The following KANK4 variants were observed in gnomAD, a reference collection of about 807,000 sequenced individuals.
KANK4 encodes the protein KN motif and ankyrin repeat domains 4, also known as KN motif and ankyrin repeat domain-containing protein 4.
A neutral mutation model predicts 80.8 loss-of-function variants in KANK4; 50 were observed. The observed-to-expected ratio is 0.62, with a 90% CI of 0.49 to 0.78. The LOEUF (loss-of-function observed/expected upper bound fraction) is 0.78, where lower values mean the gene tolerates loss of function less well. Ranked by LOEUF, KANK4 falls within the 30% of genes least tolerant of loss-of-function variation. The probability of loss-of-function intolerance (pLI) is 0.00; values close to 1 mark genes in which losing one functional copy is unlikely to be tolerated. For missense variants in KANK4, 1,196 were observed against 1,240.1 expected, an observed-to-expected ratio of 0.96 and a Z score of 0.53; for synonymous variants, 465 against 506.9, an observed-to-expected ratio of 0.92 and a Z score of 1.11.
At chr1:62,275,145 G>A in intron 2 of KANK4, 58 bp from the exon 3 acceptor site, 1 of 1,286,152 alleles carries the variant, frequency 7.8e-7, no homozygotes, top group East Asian at 2.3e-5. Flanking sequence ...AGCATTACAG[G>A]GCGATGAGGC....
chr1:62,247,707 C>T, intron 8 of KANK4, 35 bp from the exon 9 acceptor site: 1 of 1,596,358 alleles, frequency 6.3e-7, no homozygotes, highest in South Asian at 1.1e-5. Context: ...GGTGAGGTTG[C>T]TGCCAGTGGG....
At chr1:62,258,191 T>C (rs576301134) in intron 7 of KANK4, among the ~76,000 whole-genome samples, 74 of 152,368 alleles carry the variant, frequency 4.9e-4, no homozygotes, top group Admixed American at 4.4e-3. Flanking sequence ...AATTAAGATC[T>C]GCTTCACAAT....
rs1671197950 is a variant in KANK4 at position 62,236,255 on chromosome 1, T to A, written c.*2022A>T. Among the ~76,000 whole-genome samples the A allele has an allele frequency of 6.6e-6, 1 of 152,156 alleles. No homozygotes were observed. Among genetic ancestry groups the A allele is most frequent in the South Asian group, 2.1e-4 (1 of 4,828 alleles). ...GTTGTGGCTCGATAGCATCAGCATC[T>A]CCCAGGACCTGGTTAGAAATGCAGA... On this transcript the variant is annotated 3_prime_UTR_variant, in exon 10 of 10. Transcript: ENST00000371153.
chr1:62,275,530 TA>T, intron 2 of KANK4, among the ~76,000 whole-genome samples: 1 of 152,108 alleles, frequency 6.6e-6, no homozygotes, highest in Non-Finnish European at 1.5e-5. Context: ...GGCTCAGCAG[TA>T]AAAAAGAAAT....
chr1:62,297,093 G>A (rs949318394), intron 1 of KANK4, among the ~76,000 whole-genome samples: 3 of 151,822 alleles, frequency 2.0e-5, no homozygotes, highest in African/African-American at 4.8e-5. Context: ...GATGCGCACC[G>A]ATAGTCCCAG....
intron 1 of KANK4, among the ~76,000 whole-genome samples, chr1:62,304,537 C>G (rs1185604569): frequency 6.6e-6 from 1 of 151,958 alleles, no homozygotes; most frequent in Admixed American, 6.5e-5. Flanking sequence ...TGGGCCTTAA[C>G]TTCCCCAGCT....
intron 1 of KANK4, among the ~76,000 whole-genome samples, chr1:62,298,800 T>C (rs1328004160): frequency 6.6e-6 from 1 of 152,232 alleles, no homozygotes; most frequent in Non-Finnish European, 1.5e-5. Flanking sequence ...AGGAAGAAAC[T>C]GGTAAGTGCC....
chr1:62,277,353 G>C (rs1672337000), intron 2 of KANK4, among the ~76,000 whole-genome samples: 1 of 152,196 alleles, frequency 6.6e-6, no homozygotes, highest in African/African-American at 2.4e-5. Flanking sequence ...GAGAACAAAA[G>C]AGTAAAAGAC....
chr1:62,301,355 A>T (rs1644410646), intron 1 of KANK4, among the ~76,000 whole-genome samples: 1 of 152,140 alleles, frequency 6.6e-6, no homozygotes, highest in African/African-American at 2.4e-5. Context: ...ATTTTCAGGT[A>T]CTAACACCAA....
chr1:62,259,420 G>C (rs552220516), intron 7 of KANK4, among the ~76,000 whole-genome samples: 4 of 152,244 alleles, frequency 2.6e-5, no homozygotes, highest in Admixed American at 1.3e-4. Flanking sequence ...GGGACCACAG[G>C]CGTGTGCCAT....
intron 6 of KANK4, 94 bp downstream of exon 6, chr1:62,266,621 ACTCACACCACTGCCTGC>A: frequency 1.4e-6 from 1 of 725,838 alleles, no homozygotes; most frequent in Non-Finnish European, 2.5e-6. Flanking sequence ...ACCACTGCAC[ACTCACACCACTGCCTGC>A]CTCACACCAC....
At chr1:62,313,709 G>A (rs1644515979) in intron 1 of KANK4, among the ~76,000 whole-genome samples, 1 of 152,094 alleles carries the variant, frequency 6.6e-6, no homozygotes, top group Admixed American at 6.5e-5. Context: ...GAGGGTGAGG[G>A]GCAAGGGGAG....
intron 1 of KANK4, among the ~76,000 whole-genome samples, chr1:62,311,309 A>G (rs1199638068): frequency 2.7e-5 from 4 of 150,320 alleles, no homozygotes; most frequent in African/African-American, 9.8e-5. Context: ...AACGGGAATG[A>G]TAACAGTCAT....
At chr1:62,286,755 A>C (rs1571023419) in intron 1 of KANK4, among the ~76,000 whole-genome samples, 1 of 151,344 alleles carries the variant, frequency 6.6e-6, no homozygotes. Context: ...ATCCTTCCCT[A>C]CCCCCTCCTG....
intron 9 of KANK4, among the ~76,000 whole-genome samples, chr1:62,247,055 C>T (rs545502493): frequency 7.9e-6 from 1 of 127,296 alleles, no homozygotes; most frequent in African/African-American, 2.9e-5. Flanking sequence ...GCCATTGCAC[C>T]AGGCTATTTT....
intron 6 of KANK4, among the ~76,000 whole-genome samples, chr1:62,264,096 G>A (rs920306004): frequency 1.3e-5 from 2 of 152,166 alleles, no homozygotes; most frequent in Admixed American, 6.5e-5. Flanking sequence ...CTAGACTTGG[G>A]AGTCACTGAA....
In KANK4 at chr1:62,268,400, A is replaced by C; in HGVS notation, c.2118T>G (p.His706Gln). The change falls in exon 5 of 10, where the codon CAT (histidine) becomes CAG (glutamine). Residue 706 changes from histidine to glutamine, a missense_variant. Transcript: ENST00000371153. ...CGCAGGTGAGATGGGCATCTTTGAC[A>C]TGCTTGTGATCTGGGCCGTCACACT... is the stretch of plus-strand genomic sequence containing the variant. ...EKKCDGPDHK[H>Q]VKDAHLTCEA... is the part of the protein sequence containing the mutation. 1 of 1,613,982 alleles carries C rather than the reference A, an allele frequency of 6.2e-7. No individual in the cohort carries two copies. Among genetic ancestry groups the C allele is most frequent in the Non-Finnish European group, 8.5e-7 (1 of 1,179,988 alleles).
intron 6 of KANK4, among the ~76,000 whole-genome samples, chr1:62,264,829 T>G (rs968457369): frequency 3.9e-5 from 6 of 152,176 alleles, no homozygotes; most frequent in East Asian, 1.9e-4. Flanking sequence ...TGTCCGTTTG[T>G]TTGGTTGGTT....
Position 62,274,522 on chromosome 1 carries a change from C to G in KANK4, c.582G>C (p.Gln194His). 1.9e-6 allele frequency: 3 copies of G among 1,614,212 alleles called. No individual in the cohort carries two copies. The highest frequency in any genetic ancestry group is 2.5e-6 in the Non-Finnish European group (3 of 1,180,028). The stretch of plus-strand genomic sequence containing the variant: ...TGCCATCACAGACACTGCCTTCACC[C>G]TGAAGGGGAGGGAGGGCAGGAGGGG... ...PPAPPALPPLQGEGSVCDGTF... is the reference protein window; with the variant it reads ...PPAPPALPPLHGEGSVCDGTF... Residue 194 changes from glutamine (Q) to histidine (H), a missense_variant, in exon 3 of 10, where the codon CAG becomes CAC. Gln to His is a conservative substitution (Grantham distance 24). Transcript: ENST00000371153.
Sources: gnomAD v4.1 joint callset for allele counts (sites outside exome capture counted in the v4.1 genomes callset) on GRCh38, gnomAD v4.1.1 for gene constraint, MANE v1.5 for transcripts, NCBI Gene and HGNC (gene_info 2026-07-23, HGNC 2026-07-21) for gene names.